Variants in DLGAP2 observed in about 807,000 individuals in gnomAD.
DLGAP2 encodes the protein disks large-associated protein 2.
In DLGAP2, 26 loss-of-function variants were observed where a neutral mutation model predicts 100.3. That is an observed-to-expected ratio of 0.26 (90% CI 0.19 to 0.36). The LOEUF (loss-of-function observed/expected upper bound fraction) is 0.36, where lower values mean the gene tolerates loss of function less well. DLGAP2 is among the 10% of genes least tolerant of loss of function. The pLI, the probability that DLGAP2 is intolerant of heterozygous loss-of-function variation, is 1.00. For synonymous variants in DLGAP2, 886 were observed against 630.1 expected (o/e 1.41, Z -6.08); for missense variants, 1,858 against 1,453.2 (o/e 1.28, Z -4.53).
chr8:1,523,077 C>T (rs1001801483), intron 4 of DLGAP2, among the ~76,000 whole-genome samples: 4 of 152,216 alleles, frequency 2.6e-5, no homozygotes, highest in African/African-American at 9.6e-5. Context: ...TGGGAACCTG[C>T]AGACGGCACT....
chr8:1,292,814 G>C (rs1414042025), intron 3 of DLGAP2, among the ~76,000 whole-genome samples: 1 of 152,080 alleles, frequency 6.6e-6, no homozygotes, highest in East Asian at 2.0e-4. Flanking sequence ...GCCTTCCCAA[G>C]GTCTTTCATT....
intron 2 of DLGAP2, among the ~76,000 whole-genome samples, chr8:1,245,459 AG>A (rs1798883612): frequency 6.6e-6 from 1 of 152,258 alleles, no homozygotes; most frequent in South Asian, 2.1e-4. Flanking sequence ...GACGAACCTC[AG>A]AAACATTTTC....
intron 1 of DLGAP2, among the ~76,000 whole-genome samples, chr8:814,589 G>C (rs1796429093): frequency 6.6e-6 from 1 of 151,884 alleles, no homozygotes; most frequent in African/African-American, 2.4e-5. Context: ...TGACCAATTA[G>C]AAATACTATG....
chr8:1,299,832 T>G (rs1800287964), intron 3 of DLGAP2: 1 of 152,160 alleles, frequency 6.6e-6, no homozygotes, highest in South Asian at 2.1e-4. Context: ...AATTTGAAAA[T>G]CAACCCAAAT....
intron 2 of DLGAP2, among the ~76,000 whole-genome samples, chr8:1,239,540 C>T (rs1465123968): frequency 8.7e-6 from 1 of 115,132 alleles, no homozygotes; most frequent in Admixed American, 9.4e-5. Context: ...GTGTCTAGTT[C>T]TCTCACATGG....
intron 2 of DLGAP2, among the ~76,000 whole-genome samples, chr8:1,128,305 G>A (rs904928151): frequency 5.4e-5 from 8 of 148,912 alleles, no homozygotes; most frequent in Non-Finnish European, 1.2e-4. Flanking sequence ...ACCTGCTCCT[G>A]GTGTTGTGTT....
intron 6 of DLGAP2, among the ~76,000 whole-genome samples, chr8:1,575,491 T>C (rs955469507): frequency 4.7e-5 from 4 of 84,468 alleles, no homozygotes; most frequent in African/African-American, 1.5e-4. Context: ...TATTATTATT[T>C]AAGTTCTAGG....
chr8:1,539,539 C>T (rs180756984), intron 4 of DLGAP2, among the ~76,000 whole-genome samples: 17 of 152,232 alleles, frequency 1.1e-4, no homozygotes, highest in African/African-American at 3.4e-4. Flanking sequence ...GACTGGGGTG[C>T]ACTGAGCCTT....
At chr8:1,488,715 A>T (rs185945988) in intron 3 of DLGAP2, among the ~76,000 whole-genome samples, 21 of 152,306 alleles carry the variant, frequency 1.4e-4, no homozygotes, top group Admixed American at 5.2e-4. Context: ...AACATCTCCA[A>T]AGCTCCTCCT....
intron 3 of DLGAP2, among the ~76,000 whole-genome samples, chr8:1,476,214 C>T (rs1798925594): frequency 6.6e-6 from 1 of 152,188 alleles, no homozygotes; most frequent in Admixed American, 6.5e-5. Context: ...CGTCCTGGTA[C>T]ATCTCTTAGC....
intron 3 of DLGAP2, among the ~76,000 whole-genome samples, chr8:1,368,439 C>T (rs370970865): frequency 6.6e-6 from 1 of 152,048 alleles, no homozygotes; most frequent in South Asian, 2.1e-4. Flanking sequence ...TGTGTGGCCA[C>T]ACGGGGAGCT....
chr8:1,495,990 G>A (rs1173450864), intron 3 of DLGAP2, among the ~76,000 whole-genome samples: 1 of 152,142 alleles, frequency 6.6e-6, no homozygotes. Flanking sequence ...AGTATTCCCA[G>A]GCAGTGACGT....
intron 5 of DLGAP2, among the ~76,000 whole-genome samples, chr8:1,552,311 G>C (rs1274527942): frequency 6.6e-6 from 1 of 152,352 alleles, no homozygotes; most frequent in East Asian, 1.9e-4. Flanking sequence ...TCTTGCAGTA[G>C]CAAGCTTCCC....
intron 3 of DLGAP2, among the ~76,000 whole-genome samples, chr8:1,330,899 G>T (rs1367947594): frequency 6.7e-6 from 1 of 149,328 alleles, no homozygotes. Context: ...ACTGAGTTCT[G>T]TGTGGGAGCA....
At chr8:1,517,247 T>A (rs1425729147) in intron 4 of DLGAP2, among the ~76,000 whole-genome samples, 3 of 152,032 alleles carry the variant, frequency 2.0e-5, no homozygotes, top group African/African-American at 7.2e-5. Flanking sequence ...GAGGAAGAAG[T>A]CAAGCCCTCT....
At chr8:1,327,078 C>G (rs1221485105) in intron 3 of DLGAP2, among the ~76,000 whole-genome samples, 1 of 152,212 alleles carries the variant, frequency 6.6e-6, no homozygotes, top group African/African-American at 2.4e-5. Flanking sequence ...GAGGCAGAGC[C>G]CTGGTTCCAC....
intron 4 of DLGAP2, among the ~76,000 whole-genome samples, chr8:1,543,365 C>A (rs1254660614): frequency 6.6e-6 from 1 of 152,150 alleles, no homozygotes; most frequent in South Asian, 2.1e-4. Context: ...TTCATTTTTG[C>A]AGATTTTGTA....
intron 8 of DLGAP2, among the ~76,000 whole-genome samples, chr8:1,639,489 G>A (rs1319012753): frequency 6.6e-6 from 1 of 152,200 alleles, no homozygotes; most frequent in Non-Finnish European, 1.5e-5. Context: ...GTAAGCCCAG[G>A]TTCCTGGTGT....
chr8:946,373 T>C (rs564200833), intron 2 of DLGAP2, among the ~76,000 whole-genome samples: 47 of 151,976 alleles, frequency 3.1e-4, no homozygotes, highest in Middle Eastern at 3.4e-3. Context: ...ACACCATTCT[T>C]CTGCCTCAGA....
Sources: allele counts gnomAD v4.1 joint callset (sites outside exome capture counted in the v4.1 genomes callset), GRCh38; gene constraint gnomAD v4.1.1; transcripts MANE v1.5; gene names NCBI Gene and HGNC (gene_info 2026-07-23, HGNC 2026-07-21).